Variants in RBFOX1 observed in about 807,000 individuals in gnomAD.
RBFOX1 encodes RNA binding fox-1 homolog 1.
A neutral mutation model predicts 57.7 loss-of-function variants in RBFOX1; 8 were observed. That is an observed-to-expected ratio of 0.14 (90% CI 0.08 to 0.25). The LOEUF is 0.25. Among genes scored for constraint, RBFOX1 ranks in the 10% least tolerant of loss-of-function variants. The pLI is 1.00. For synonymous variants in RBFOX1, 326 were observed against 222.4 expected (o/e 1.47, Z -4.15); for missense variants, 611 against 548.5 (o/e 1.11, Z -1.14).
intron 1 of RBFOX1, among the ~76,000 whole-genome samples, chr16:6,238,250 G>T (rs769806579): frequency 6.6e-6 from 1 of 152,094 alleles, no homozygotes; most frequent in Non-Finnish European, 1.5e-5. Context: ...GTATGGCCAG[G>T]CATATTATAA....
In RBFOX1 at chr16:5,947,768, A is replaced by G. The variant is rs1449077086; in HGVS notation, c.351+80433A>G. 6.6e-6 allele frequency among the ~76,000 whole-genome samples: 1 copy of G among 152,200 alleles called. No individual in the cohort carries two copies. Among genetic ancestry groups the G allele is most frequent in the Non-Finnish European group, 1.5e-5 (1 of 68,052 alleles). Reference sequence around the variant, plus strand: ...TCTTAAGGGGGTGTCTCCACCTAACAGTGCAAGGATACAGCTGCCCTTGGT... The same window carrying G: ...TCTTAAGGGGGTGTCTCCACCTAACGGTGCAAGGATACAGCTGCCCTTGGT... On this transcript the variant is annotated intron_variant, in intron 4 of 19. Coordinates refer to the RBFOX1 transcript ENST00000641259. This position sits in a 1 kb window ranked among gnomAD's most constrained non-coding sequence, Gnocchi z 7.2.
At chr16:6,635,356 T>C (rs900529871) in intron 2 of RBFOX1, among the ~76,000 whole-genome samples, 4 of 152,060 alleles carry the variant, frequency 2.6e-5, no homozygotes, top group African/African-American at 9.7e-5. Context: ...CCTGTAAATA[T>C]AAGTACAAGT....
intron 2 of RBFOX1, among the ~76,000 whole-genome samples, chr16:6,553,540 C>G (rs2097032251): frequency 6.6e-6 from 1 of 152,174 alleles, no homozygotes; most frequent in African/African-American, 2.4e-5. Context: ...CACCCAATAT[C>G]CAATTGTCAC....
chr16:6,746,934 G>C (rs889867754), intron 3 of RBFOX1, among the ~76,000 whole-genome samples: 6 of 152,058 alleles, frequency 3.9e-5, no homozygotes, highest in Non-Finnish European at 8.8e-5. Context: ...ACTTCAGCAG[G>C]TGTCTCACTT....
chr16:7,440,658 C>T (rs2098758822), intron 4 of RBFOX1, among the ~76,000 whole-genome samples: 1 of 152,100 alleles, frequency 6.6e-6, no homozygotes, highest in South Asian at 2.1e-4. Context: ...AGGTTTTGCT[C>T]CAAGACTCAG....
intron 1 of RBFOX1, among the ~76,000 whole-genome samples, chr16:5,458,117 A>G (rs1319085785): frequency 2.0e-5 from 3 of 152,190 alleles, no homozygotes; most frequent in Non-Finnish European, 4.4e-5. Context: ...TCTATTTGCA[A>G]TGGATATCAA....
At position 7,023,609 on chromosome 16, in the gene RBFOX1, T is replaced by G. The variant is rs1390967447; in HGVS notation, c.-15-28448T>G. Reference sequence around the variant, plus strand: ...AAAAAAAAAAATTAGCTTGCCATAGTGGTACATGACTATAATTTCAGCACT... The same window carrying G: ...AAAAAAAAAAATTAGCTTGCCATAGGGGTACATGACTATAATTTCAGCACT... On this transcript the variant is annotated intron_variant, in intron 3 of 15. Coordinates refer to ENST00000550418, the MANE Select transcript of RBFOX1 (RefSeq NM_018723.4). 5.2e-5 allele frequency among the ~76,000 whole-genome samples: 6 copies of G among 115,586 alleles called. No homozygotes were observed. The East Asian group carries it at 1.7e-3, about 33-fold the overall frequency. 75.8% of individuals were successfully genotyped at this position (115,586 alleles called of 152,430 possible). A position where few individuals can be genotyped will look rare whatever the true frequency, so the allele number is the denominator to read the frequency against.
At chr16:7,229,744 AAGGAAGGGAGAGAGAGGG>A (rs796373375) in intron 4 of RBFOX1, among the ~76,000 whole-genome samples, 5 of 94,856 alleles carry the variant, frequency 5.3e-5, no homozygotes, top group Admixed American at 3.4e-4. Flanking sequence ...GAGGGGGAAG[AAGGAAGGGAGAGAGAGGG>A]AGGAAGGGAG....
At chr16:6,999,999 C>G (rs1463192296) in intron 3 of RBFOX1, among the ~76,000 whole-genome samples, 1 of 149,840 alleles carries the variant, frequency 6.7e-6, no homozygotes, top group African/African-American at 2.5e-5. Flanking sequence ...TTGGACCTAG[C>G]AGGCAGAGGT....
chr16:7,461,566 T>C (rs2059589221), intron 4 of RBFOX1, among the ~76,000 whole-genome samples: 1 of 152,204 alleles, frequency 6.6e-6, no homozygotes, highest in Admixed American at 6.5e-5. Context: ...TCCAAGAACT[T>C]AGAATTGACA....
intron 14 of RBFOX1, among the ~76,000 whole-genome samples, chr16:7,682,649 T>C (rs1043666424): frequency 6.6e-6 from 1 of 151,662 alleles, no homozygotes; most frequent in Non-Finnish European, 1.5e-5. Context: ...GTAATAAGAA[T>C]GTAGCAGAAA....
intron 1 of RBFOX1, among the ~76,000 whole-genome samples, chr16:6,211,819 C>CA (rs1598404366): frequency 7.0e-6 from 1 of 142,288 alleles, no homozygotes; most frequent in Non-Finnish European, 1.5e-5. Flanking sequence ...AGGAATACAT[C>CA]TTTTATTTAT....
intron 4 of RBFOX1, among the ~76,000 whole-genome samples, chr16:5,993,977 C>G (rs117444296): frequency 1.2e-4 from 18 of 152,044 alleles, no homozygotes; most frequent in Non-Finnish European, 2.4e-4. Context: ...GATGTTGGCA[C>G]GTATGGGACG....
intron 4 of RBFOX1, among the ~76,000 whole-genome samples, chr16:7,318,877 T>C (rs549553043): frequency 7.2e-5 from 11 of 152,218 alleles, no homozygotes; most frequent in Non-Finnish European, 1.5e-4. Context: ...CCAGTAATTA[T>C]AAAAATAACA....
chr16:7,454,280 T>A (rs1484139065), intron 4 of RBFOX1, among the ~76,000 whole-genome samples: 1 of 152,046 alleles, frequency 6.6e-6, no homozygotes. Context: ...TCCCAGGAAG[T>A]CAAGGAAGCA....
intron 3 of RBFOX1, among the ~76,000 whole-genome samples, chr16:6,739,619 G>T (rs187759102): frequency 6.6e-6 from 1 of 152,228 alleles, no homozygotes; most frequent in Middle Eastern, 3.4e-3. Flanking sequence ...GCTCATGCCT[G>T]TAATCCCAGC....
At chr16:5,473,452 A>G (rs767796892) in intron 2 of RBFOX1, among the ~76,000 whole-genome samples, 4 of 151,770 alleles carry the variant, frequency 2.6e-5, no homozygotes, top group African/African-American at 7.3e-5. Flanking sequence ...TAAAATTCCT[A>G]ATAAGCAGTA....
chr16:7,234,476 G>C (rs536032734), intron 4 of RBFOX1, among the ~76,000 whole-genome samples: 29 of 152,140 alleles, frequency 1.9e-4, no homozygotes, highest in African/African-American at 6.7e-4. Context: ...CAGTGAAGAA[G>C]GGGGAACCAG....
At chr16:7,005,132 G>A (rs1390529819) in intron 3 of RBFOX1, among the ~76,000 whole-genome samples, 3 of 152,164 alleles carry the variant, frequency 2.0e-5, no homozygotes, top group East Asian at 1.9e-4. Context: ...TGACAAGAGC[G>A]AGATTCCATC....
Sources: gnomAD v4.1 joint callset for allele counts (sites outside exome capture counted in the v4.1 genomes callset) on GRCh38, gnomAD v4.1.1 for gene constraint, Gnocchi (gnomAD v3.1) non-coding constraint, MANE v1.5 for transcripts, NCBI Gene and HGNC (gene_info 2026-07-23, HGNC 2026-07-21) for gene names.